MSRA: variants seen among roughly 807,000 people sequenced by gnomAD.
The protein encoded by MSRA is methionine sulfoxide reductase A.
MSRA carries 54 observed loss-of-function variants against 31.3 expected under a neutral mutation model. The ratio of observed to expected loss-of-function variants is 1.73; its 90% CI spans 1.39 to 2.17. The LOEUF (loss-of-function observed/expected upper bound fraction) is 2.17. MSRA is among the 30% of genes most tolerant of loss of function. MSRA has a pLI of 0.00. For synonymous variants in MSRA, 169 were observed against 116.5 expected (o/e 1.45, Z -2.90); for missense variants, 507 against 300.9 (o/e 1.69, Z -5.07).
At chr8:10,185,571 C>G (rs1351045244) in intron 1 of MSRA, among the ~76,000 whole-genome samples, 1 of 152,096 alleles carries the variant, frequency 6.6e-6, no homozygotes, top group African/African-American at 2.4e-5. Context: ...CTTTGTGAGT[C>G]ATTGCGAGAA....
chr8:10,214,369 G>C (rs1809793270), intron 2 of MSRA, among the ~76,000 whole-genome samples: 1 of 152,104 alleles, frequency 6.6e-6, no homozygotes, highest in Admixed American at 6.5e-5. Flanking sequence ...ATCGTTTCCT[G>C]TCTGACATGA....
chr8:10,219,524 A>G (rs997228630), intron 2 of MSRA, among the ~76,000 whole-genome samples: 1 of 152,068 alleles, frequency 6.6e-6, no homozygotes, highest in African/African-American at 2.4e-5. Context: ...CATGAATGAA[A>G]TTTGGCTGGG....
rs530148525 is a variant in MSRA at position 10,170,525 on chromosome 8, C to G, written c.143-37308C>G. Among the ~76,000 whole-genome samples, 7 of 152,256 alleles carry G rather than the reference C, an allele frequency of 4.6e-5. No individual in the cohort carries two copies. In the South Asian group the frequency reaches 1.5e-3, roughly 32 times the overall value. ...TCTTGGCCCTCCATGTCTGTCAGTT[C>G]TGCATCAGTGGATTCAACGAAACTT... On this transcript the variant is annotated intron_variant, in intron 1 of 5. Transcript: ENST00000317173.
At chr8:10,243,421 A>G (rs1000692028) in intron 2 of MSRA, among the ~76,000 whole-genome samples, 1 of 152,202 alleles carries the variant, frequency 6.6e-6, no homozygotes, top group Admixed American at 6.5e-5. Flanking sequence ...GAAAATTAAT[A>G]GTGAATGCTT....
intron 5 of MSRA, among the ~76,000 whole-genome samples, chr8:10,417,713 T>A (rs915632537): frequency 4.1e-5 from 6 of 146,936 alleles, no homozygotes; most frequent in African/African-American, 1.5e-4. Flanking sequence ...TGGACTAAAA[T>A]AGCTGACTGG....
intron 1 of MSRA, among the ~76,000 whole-genome samples, chr8:10,102,150 C>A (rs1366082053): frequency 6.6e-6 from 1 of 152,018 alleles, no homozygotes; most frequent in African/African-American, 2.4e-5. Flanking sequence ...GCTCATTCAC[C>A]TTCTTGAATA....
intron 1 of MSRA, among the ~76,000 whole-genome samples, chr8:10,113,475 T>C (rs911781780): frequency 2.0e-5 from 3 of 151,040 alleles, no homozygotes; most frequent in Non-Finnish European, 1.5e-5. Context: ...GAGGAGGGGA[T>C]TGTGCAGAAC....
chr8:10,159,791 C>T (rs1454190259), intron 1 of MSRA, among the ~76,000 whole-genome samples: 2 of 152,124 alleles, frequency 1.3e-5, no homozygotes, highest in African/African-American at 2.4e-5. Flanking sequence ...GACCATATGT[C>T]ATGAAGAGGT....
chr8:10,257,167 G>C (rs1168418086), intron 3 of MSRA, among the ~76,000 whole-genome samples: 1 of 152,060 alleles, frequency 6.6e-6, no homozygotes, highest in African/African-American at 2.4e-5. Flanking sequence ...TTTCCATCAG[G>C]GGTGGCCAGG....
rs78777817 is a variant in MSRA, at chr8:10,379,033, T to A, written c.544-49115T>A. 2.7e-3 allele frequency among the ~76,000 whole-genome samples: 405 copies of A among 152,356 alleles called. 1 individual carries two copies. Among genetic ancestry groups the A allele is most frequent in the Non-Finnish European group, 4.3e-3 (295 of 68,038 alleles). The stretch of plus-strand genomic sequence containing the variant: ...TTACGCAGACATGCTTATGTTGGAC[T>A]TTTTTTCACTTAACAGTATTAGTGC... On this transcript the variant is annotated intron_variant, in intron 5 of 5. Transcript: ENST00000317173.
chr8:10,259,207 C>T (rs1798340532), intron 3 of MSRA, among the ~76,000 whole-genome samples: 1 of 152,100 alleles, frequency 6.6e-6, no homozygotes, highest in Non-Finnish European at 1.5e-5. Context: ...GGACTTAGAT[C>T]TATGGCCACT....
At position 10,158,253 on chromosome 8, in the gene MSRA, C is replaced by G. The variant is rs114396361; in HGVS notation, c.143-49580C>G. 2.6e-3 allele frequency among the ~76,000 whole-genome samples: 394 copies of G among 152,316 alleles called. 1 individual carries two copies. Among genetic ancestry groups the G allele is most frequent in the African/African-American group, 9.0e-3 (374 of 41,566 alleles). ...TGGACTTCAAGAGGACGTAAACATT[C>G]AGACCGTAGCAAATGGGTATGAACT... On this transcript the variant is annotated intron_variant, in intron 1 of 5. Coordinates refer to ENST00000317173, the MANE Select transcript of MSRA (RefSeq NM_012331.5).
intron 1 of MSRA, among the ~76,000 whole-genome samples, chr8:10,163,832 C>G (rs924503900): frequency 6.6e-6 from 1 of 152,224 alleles, no homozygotes; most frequent in Non-Finnish European, 1.5e-5. Flanking sequence ...GTGTGGCAGA[C>G]GAGGGCACAG....
intron 1 of MSRA, among the ~76,000 whole-genome samples, chr8:10,153,382 C>T (rs766725021): frequency 6.6e-6 from 1 of 152,158 alleles, no homozygotes; most frequent in African/African-American, 2.4e-5. Flanking sequence ...CTCCCTCTCA[C>T]GTGCCTGCTG....
At chr8:10,136,293 C>T (rs957054015) in intron 1 of MSRA, among the ~76,000 whole-genome samples, 12 of 152,204 alleles carry the variant, frequency 7.9e-5, no homozygotes, top group African/African-American at 2.7e-4. Flanking sequence ...CAACTAGCTT[C>T]TGCTATCGGA....
chr8:10,419,251 A>G (rs1808669216), intron 5 of MSRA, among the ~76,000 whole-genome samples: 1 of 152,128 alleles, frequency 6.6e-6, no homozygotes, highest in Non-Finnish European at 1.5e-5. Context: ...GGGCTTCCTT[A>G]TCCCACAGCC....
intron 5 of MSRA, among the ~76,000 whole-genome samples, chr8:10,412,404 G>A (rs1808212373): frequency 6.6e-6 from 1 of 152,294 alleles, no homozygotes; most frequent in Admixed American, 6.5e-5. Flanking sequence ...AACTGAAAAA[G>A]TTGCTTTCAG....
chr8:10,062,309 G>A (rs1361024188), intron 1 of MSRA, among the ~76,000 whole-genome samples: 3 of 152,230 alleles, frequency 2.0e-5, no homozygotes, highest in Non-Finnish European at 4.4e-5. Context: ...ATGGAAGACT[G>A]AATTCTACAA....
chr8:10,315,153 G>GC (rs945646297), intron 4 of MSRA, among the ~76,000 whole-genome samples: 4 of 152,260 alleles, frequency 2.6e-5, no homozygotes, highest in South Asian at 4.2e-4. Context: ...GGAAAGACCT[G>GC]CCCCCCGTGA....
Sources: allele counts gnomAD v4.1 joint callset (sites outside exome capture counted in the v4.1 genomes callset), GRCh38; gene constraint gnomAD v4.1.1; transcripts MANE v1.5; gene names NCBI Gene and HGNC (gene_info 2026-07-23, HGNC 2026-07-21).